Variants in ALDH6A1 observed in about 807,000 individuals in gnomAD.
ALDH6A1 encodes methylmalonate-semialdehyde/malonate-semialdehyde dehydrogenase [acylating], mitochondrial.
ALDH6A1 carries 43 observed loss-of-function variants against 62.6 expected under a neutral mutation model. The ratio of observed to expected loss-of-function variants is 0.69; its 90% CI spans 0.54 to 0.89. ALDH6A1 has a LOEUF of 0.89. Ranked by LOEUF, ALDH6A1 falls within the 40% of genes least tolerant of loss-of-function variation. The pLI, the probability that ALDH6A1 is intolerant of heterozygous loss-of-function variation, is 0.00. For synonymous variants in ALDH6A1, 194 were observed against 234.2 expected, an observed-to-expected ratio of 0.83 and a Z score of 1.57; for missense variants, 551 against 661.3, an observed-to-expected ratio of 0.83 and a Z score of 1.83.
chr14:74,068,916 C>CTGCCTTGT lies in ALDH6A1; in HGVS notation c.788_795dup (p.Gly266ThrfsTer29), dbSNP rs752848521. Reference sequence around the variant, plus strand: ...GATCCTCTCTCGAAGATATACTCTCCTGCCTTGTTGGATCCCACAAAGCTG... The same window carrying CTGCCTTGT: ...GATCCTCTCTCGAAGATATACTCTCCTGCCTTGTTGCCTTGTTGGATCCCACAAAGCTG... On this transcript the variant is annotated frameshift_variant, in exon 7 of 12. Transcript: ENST00000553458. LOFTEE classifies it high-confidence loss of function. 1 of 1,614,050 alleles carries CTGCCTTGT rather than the reference C, an allele frequency of 6.2e-7. No individual in the cohort carries two copies. The highest frequency in any genetic ancestry group is 8.5e-7 in the Non-Finnish European group (1 of 1,179,990).
intron 11 of ALDH6A1, among the ~76,000 whole-genome samples, chr14:74,062,249 G>C (rs62005115): frequency 0.12 from 17,842 of 151,762 alleles, 1,151 homozygotes; most frequent in South Asian, 0.18. Context: ...TTAAACAATA[G>C]TTGTACTCTG....
At position 74,060,646 on chromosome 14, in the gene ALDH6A1, C is replaced by T. The variant is rs183066442; in HGVS notation, c.1604G>A (p.Arg535His). ...SPAVVMPTMGR is the reference protein window; with the variant it reads ...SPAVVMPTMGH ...CAGTCTTAAACAAACTTGTTTCTAA[C>T]GGCCCATGGTAGGCATGACAACAGC... Residue 535 changes from arginine (R) to histidine (H), a missense_variant, in exon 12 of 12, where the codon CGT becomes CAT. Arg to His is a conservative substitution (Grantham distance 29, BLOSUM62 0). Coordinates refer to ENST00000553458, the MANE Select transcript of ALDH6A1 (RefSeq NM_005589.4). The T allele has an allele frequency of 6.1e-4, 986 of 1,606,506 alleles. 13 individuals carry two copies. In the Admixed American group the frequency reaches 0.015, roughly 25 times the overall value.
intron 1 of ALDH6A1, among the ~76,000 whole-genome samples, chr14:74,076,942 T>C (rs1229991772): frequency 2.0e-5 from 3 of 152,220 alleles, no homozygotes. Context: ...AAAGGAAAGC[T>C]GCAATCTAAT....
rs1157766328 is a variant in ALDH6A1 at position 74,057,716 on chromosome 14, G to T, written c.*2926C>A. ...ATTTGTTATTCATAATTAGTACAAT[G>T]TAGAATCTGAGAAATTTCAAATGAA... is the stretch of plus-strand genomic sequence containing the variant. On this transcript the variant is annotated 3_prime_UTR_variant, in exon 12 of 12. Coordinates refer to ENST00000553458, the MANE Select transcript of ALDH6A1 (RefSeq NM_005589.4). The T allele has an allele frequency of 7.6e-6, 9 of 1,191,360 alleles. No individual in the cohort carries two copies. The highest frequency in any genetic ancestry group is 1.6e-5 in the African/African-American group (1 of 61,306). The allele number at this position is 1,191,360 out of a possible 1,614,324, so 73.8% of individuals were successfully genotyped here. A position where few individuals can be genotyped will look rare whatever the true frequency, so the allele number is the denominator to read the frequency against.
At chr14:74,063,495 A>G (rs527599579) in intron 11 of ALDH6A1, among the ~76,000 whole-genome samples, 1 of 151,944 alleles carries the variant, frequency 6.6e-6, no homozygotes, top group Non-Finnish European at 1.5e-5. Context: ...AATAGTGATA[A>G]TTCAGTCCTT....
chr14:74,071,934 G>A lies in ALDH6A1; in HGVS notation c.389C>T (p.Thr130Ile). Residue 130 changes from threonine to isoleucine, a missense_variant, in exon 5 of 12, where the codon ACC (threonine) becomes ATC (isoleucine). Thr to Ile is a moderately conservative substitution (Grantham distance 89). Coordinates refer to ENST00000553458, the MANE Select transcript of ALDH6A1 (RefSeq NM_005589.4). The part of the protein sequence containing the change: ...AKLITLEQGK[T>I]LADAEGDVFR... ...TACATCTCCTTCAGCATCAGCTAGGGTCTTCCCTTGTTCCAATGTGATTAA... is the reference window on the plus strand; with the variant it reads ...TACATCTCCTTCAGCATCAGCTAGGATCTTCCCTTGTTCCAATGTGATTAA... 1 of 1,614,200 alleles carries A rather than the reference G, an allele frequency of 6.2e-7. No homozygotes were observed. Among genetic ancestry groups the A allele is most frequent in the Non-Finnish European group, 8.5e-7 (1 of 1,180,032 alleles).
intron 1 of ALDH6A1, among the ~76,000 whole-genome samples, chr14:74,081,897 G>A (rs531742119): frequency 6.6e-6 from 1 of 152,200 alleles, no homozygotes; most frequent in East Asian, 1.9e-4. Flanking sequence ...AGTGCAAGTC[G>A]CTACATCTCT....
intron 6 of ALDH6A1, among the ~76,000 whole-genome samples, chr14:74,070,392 G>A (rs889369091): frequency 6.6e-6 from 1 of 152,060 alleles, no homozygotes; most frequent in African/African-American, 2.4e-5. Flanking sequence ...GGTGGCGCAT[G>A]CCTGTAATCC....
rs1015769836 is a variant in ALDH6A1, at chr14:74,084,346, C to T, written c.48+1G>A. ...GGTGCCTTGGCACCACCCTCACTCG[C>T]CTGCAGGATCCGGGCTCGCACTGCC... is the stretch of plus-strand genomic sequence containing the variant. On this transcript the variant is annotated splice_donor_variant, in intron 1 of 11. Coordinates refer to ENST00000553458, the MANE Select transcript of ALDH6A1 (RefSeq NM_005589.4). LOFTEE classifies it high-confidence loss of function. 2 of 1,613,716 alleles carry T rather than the reference C, an allele frequency of 1.2e-6. No individual in the cohort carries two copies. Among genetic ancestry groups the T allele is most frequent in the Non-Finnish European group, 1.7e-6 (2 of 1,179,938 alleles).
In ALDH6A1 at chr14:74,059,083, TCA is replaced by T. The variant is rs1491159789; in HGVS notation, c.*1557_*1558del. 1.5e-4 allele frequency: 12 copies of T among 79,740 alleles called. No homozygotes were observed. The highest frequency in any genetic ancestry group is 6.3e-4 in the African/African-American group (8 of 12,712). The allele number at this position is 79,740 out of a possible 1,614,324, so 4.9% of individuals were successfully genotyped here. ...TGGGCAACAAGAGTGAAACTCCATC[TCA>T]AAAAAAAAAAAAAAAAAAAAAGCGT... On this transcript the variant is annotated 3_prime_UTR_variant, in exon 12 of 12. Transcript: ENST00000553458.
At chr14:74,067,711 G>C in intron 7 of ALDH6A1, 142 bp from the exon 8 acceptor site, 2 of 896,152 alleles carry the variant, frequency 2.2e-6, no homozygotes, top group Non-Finnish European at 3.6e-6. Flanking sequence ...ATAACTTGAG[G>C]TCAGGAGTTC....
chr14:74,080,825 T>G (rs146039174), intron 1 of ALDH6A1, among the ~76,000 whole-genome samples: 1 of 152,348 alleles, frequency 6.6e-6, no homozygotes, highest in Non-Finnish European at 1.5e-5. Context: ...ATTATTCCCT[T>G]GTTTAAAATT....
At chr14:74,079,214 C>T (rs1019299299) in intron 1 of ALDH6A1, among the ~76,000 whole-genome samples, 9 of 151,592 alleles carry the variant, frequency 5.9e-5, no homozygotes, top group East Asian at 1.9e-4. Flanking sequence ...CAGTAGCTCA[C>T]GCCTGTAATC....
At position 74,060,437 on chromosome 14, in the gene ALDH6A1, T is replaced by C. The variant is rs1255904000; in HGVS notation, c.*205A>G. The C allele has an allele frequency of 1.7e-6, 1 of 581,920 alleles. No homozygotes were observed. Among genetic ancestry groups the C allele is most frequent in the Non-Finnish European group, 3.1e-6 (1 of 323,288 alleles). 36.0% of individuals were successfully genotyped at this position (581,920 alleles called of 1,614,324 possible). A position where few individuals can be genotyped will look rare whatever the true frequency, so the allele number is the denominator to read the frequency against. Reference sequence around the variant, plus strand: ...CAACAGTTACCTCAAAATAGAAGTATGAAGAGCAAGTGAGAAATCTGGTTT... The same window carrying C: ...CAACAGTTACCTCAAAATAGAAGTACGAAGAGCAAGTGAGAAATCTGGTTT... On this transcript the variant is annotated 3_prime_UTR_variant, in exon 12 of 12. Coordinates refer to ENST00000553458, the MANE Select transcript of ALDH6A1 (RefSeq NM_005589.4).
chr14:74,064,798 C>A, intron 11 of ALDH6A1, 24 bp downstream of exon 11: 2 of 1,612,952 alleles, frequency 1.2e-6, no homozygotes, highest in Non-Finnish European at 1.7e-6. Context: ...AAGGAAAAGA[C>A]AAAAAATTTA....
intron 4 of ALDH6A1, 35 bp downstream of exon 4, chr14:74,072,168 A>C: frequency 7.4e-6 from 12 of 1,614,036 alleles, no homozygotes; most frequent in Non-Finnish European, 1.0e-5. Context: ...GCCCTAGGTG[A>C]CAGTTTGGAA....
At position 74,057,294 on chromosome 14, in the gene ALDH6A1, G is replaced by C; in HGVS notation, c.*3348C>G. On this transcript the variant is annotated 3_prime_UTR_variant, in exon 12 of 12. Coordinates refer to ENST00000553458, the MANE Select transcript of ALDH6A1 (RefSeq NM_005589.4). The stretch of plus-strand genomic sequence containing the variant: ...TGTATCTAATCAAACAATGTATATT[G>C]TTGTCACCCTTCCCCATGTCGCTTC... The C allele has an allele frequency of 6.2e-7, 1 of 1,613,736 alleles. No homozygotes were observed. Among genetic ancestry groups the C allele is most frequent in the Non-Finnish European group, 8.5e-7 (1 of 1,179,878 alleles).
chr14:74,078,360 C>CT (rs201196501), intron 1 of ALDH6A1: 6,725 of 329,922 alleles, frequency 0.02, no homozygotes, highest in Non-Finnish European at 0.025. Context: ...GAGGTATATA[C>CT]TTTTTTTTTT....
At position 74,071,404 on chromosome 14, in the gene ALDH6A1, A is replaced by G. The variant is rs2060547336; in HGVS notation, c.521T>C (p.Leu174Pro). ...AATGCCTGCACACACTCCCAGAGGC[A>G]GACGGTAGGAATAAAGGTCCATGTC... ...TKDMDLYSYR[L>P]PLGVCAGIAP... Residue 174 changes from leucine (L) to proline (P), a missense_variant, in exon 6 of 12, where the codon CTG (leucine) becomes CCG (proline). Transcript: ENST00000553458. The G allele has an allele frequency of 2.5e-6, 4 of 1,614,104 alleles. No individual in the cohort carries two copies. Among genetic ancestry groups the G allele is most frequent in the African/African-American group, 1.3e-5 (1 of 74,934 alleles).
Sources: gnomAD v4.1 joint callset for allele counts (sites outside exome capture counted in the v4.1 genomes callset) on GRCh38, gnomAD v4.1.1 for gene constraint, MANE v1.5 for transcripts, NCBI Gene and HGNC (gene_info 2026-07-23, HGNC 2026-07-21) for gene names.